CERS1: variants seen among roughly 807,000 people sequenced by gnomAD.
CERS1 encodes the protein ceramide synthase 1.
CERS1 carries 16 observed loss-of-function variants against 35.7 expected under a neutral mutation model. The observed-to-expected ratio is 0.45, with a 90% CI of 0.30 to 0.68. The LOEUF is 0.68. Among genes scored for constraint, CERS1 ranks in the 30% least tolerant of loss-of-function variants. The pLI, the probability that CERS1 is intolerant of heterozygous loss-of-function variation, is 0.08. For missense variants in CERS1, 454 were observed against 453.9 expected, an observed-to-expected ratio of 1.00 and a Z score of 0.00; for synonymous variants, 243 against 201.6, an observed-to-expected ratio of 1.21 and a Z score of -1.74.
At chr19:18,871,925 C>A (rs1052572290) in intron 6 of CERS1, among the ~76,000 whole-genome samples, 1 of 152,194 alleles carries the variant, frequency 6.6e-6, no homozygotes, top group Non-Finnish European at 1.5e-5. Flanking sequence ...TGGGATGACT[C>A]CAGGGATTCC....
chr19:18,879,534 T>G (rs2056143128), intron 4 of CERS1, 146 bp from the exon 5 acceptor site: 1 of 1,000,238 alleles, frequency 1.0e-6, no homozygotes, highest in Admixed American at 2.7e-5. Flanking sequence ...TGCTCTGTCC[T>G]TCCCCTCCCC....
At chr19:18,888,965 C>G (rs955599840) in intron 2 of CERS1, among the ~76,000 whole-genome samples, 5 of 145,816 alleles carry the variant, frequency 3.4e-5, no homozygotes, top group Non-Finnish European at 1.5e-5. Flanking sequence ...GATCTCGACT[C>G]ACTGCAACCT....
rs2055903037 is a variant in CERS1, at chr19:18,868,826, T to C, written c.*1159A>G. 2.7e-6 allele frequency: 4 copies of C among 1,455,526 alleles called. No individual in the cohort carries two copies. The highest frequency in any genetic ancestry group is 3.7e-6 in the Non-Finnish European group (4 of 1,094,428). The allele number at this position is 1,455,526 out of a possible 1,614,324, so 90.2% of individuals were successfully genotyped here. ...CGCGACGGGCAGCGCGCACTGACCC[T>C]GGCAGTAGTTGGCCAGGAAGCCGCG... On this transcript the variant is annotated 3_prime_UTR_variant, in exon 8 of 8. Coordinates refer to ENST00000623882, the MANE Select transcript of CERS1 (RefSeq NM_021267.5).
At chr19:18,896,926 G>GA (rs950031647), upstream of CERS1, among the ~76,000 whole-genome samples, 1 of 141,008 alleles carries the variant, frequency 7.1e-6, no homozygotes, top group Non-Finnish European at 1.6e-5. The surrounding 1 kb of genome is among the most constrained non-coding windows in gnomAD (Gnocchi z 5.9). Flanking sequence ...GGGGAACCCG[G>GA]GGGGGGGGCT....
At chr19:18,896,811 G>A (rs2056632901), upstream of CERS1, 1 of 152,354 alleles carries the variant, frequency 6.6e-6, no homozygotes, top group South Asian at 2.1e-4. The surrounding 1 kb of genome is among the most constrained non-coding windows in gnomAD (Gnocchi z 5.9). Context: ...GCACTTCCCA[G>A]GCATCTTCTT....
chr19:18,887,368 A>G (rs1456724287), intron 2 of CERS1, among the ~76,000 whole-genome samples: 1 of 152,166 alleles, frequency 6.6e-6, no homozygotes, highest in Non-Finnish European at 1.5e-5. Context: ...CTGGTGAGTG[A>G]CTGCTAATGG....
chr19:18,881,105 T>C (rs192408790), intron 3 of CERS1, among the ~76,000 whole-genome samples: 143 of 152,270 alleles, frequency 9.4e-4, no homozygotes, highest in Non-Finnish European at 1.5e-3. Context: ...TCCATGAGCT[T>C]GTCCCTCACT....
chr19:18,892,765 CAGGGGT>C (rs1320326715), intron 2 of CERS1, among the ~76,000 whole-genome samples: 21 of 152,298 alleles, frequency 1.4e-4, no homozygotes, highest in African/African-American at 4.3e-4. Flanking sequence ...TGGACCCACA[CAGGGGT>C]CCTTCCAGGA....
chr19:18,876,149 T>A (rs1301562813), intron 6 of CERS1, among the ~76,000 whole-genome samples: 1 of 151,994 alleles, frequency 6.6e-6, no homozygotes, highest in African/African-American at 2.4e-5. Flanking sequence ...CATGCCTGGA[T>A]AATTTTTCGT....
chr19:18,871,180 C>T (rs1568292544), intron 6 of CERS1, among the ~76,000 whole-genome samples: 1 of 151,874 alleles, frequency 6.6e-6, no homozygotes, highest in Admixed American at 6.6e-5. Context: ...ACCTCAGCCT[C>T]CAGAGTAGCT....
Position 18,869,379 on chromosome 19 carries a change from G to A in CERS1, c.*606C>T, listed in dbSNP as rs1200844541. The A allele has an allele frequency of 3.9e-6, 6 of 1,529,072 alleles. No homozygotes were observed. The East Asian group carries it at 1.2e-4, about 32-fold the overall frequency. The allele number at this position is 1,529,072 out of a possible 1,614,324, so 94.7% of individuals were successfully genotyped here. A position where few individuals can be genotyped will look rare whatever the true frequency, so the allele number is the denominator to read the frequency against. Reference sequence around the variant, plus strand: ...GCGGCCGAGGCAGGCTCCGAGGCCCGGGTGGGCGCACCTGGGGAGGTAGGA... The same window carrying A: ...GCGGCCGAGGCAGGCTCCGAGGCCCAGGTGGGCGCACCTGGGGAGGTAGGA... On this transcript the variant is annotated 3_prime_UTR_variant, in exon 8 of 8. Transcript: ENST00000623882.
chr19:18,888,705 C>G (rs1411162347), intron 2 of CERS1, among the ~76,000 whole-genome samples: 1 of 150,910 alleles, frequency 6.6e-6, no homozygotes, highest in East Asian at 2.0e-4. Flanking sequence ...TAGTACATGC[C>G]TGTGATCCCA....
At position 18,878,918 on chromosome 19, in the gene CERS1, C is replaced by T. The variant is rs763379257; in HGVS notation, c.1010+12G>A. 6.2e-7 allele frequency: 1 copy of T among 1,613,208 alleles called. No individual in the cohort carries two copies. The highest frequency in any genetic ancestry group is 1.1e-5 in the South Asian group (1 of 90,996). On this transcript the variant is annotated intron_variant, in intron 6 of 7. Coordinates refer to ENST00000623882, the MANE Select transcript of CERS1 (RefSeq NM_021267.5). This position sits in a 1 kb window ranked among gnomAD's most constrained non-coding sequence, Gnocchi z 4.6. ...AGGAGGGAACGCGGGGTGCGGGCCC[C>T]TCCACACTCACTCGGCTTTGCTGGG...
intron 3 of CERS1, chr19:18,883,094 G>A (rs1038968061): frequency 3.3e-5 from 5 of 152,144 alleles, no homozygotes; most frequent in African/African-American, 1.2e-4. Context: ...AAGTAGCTGG[G>A]GGACTACAGG....
At chr19:18,888,895 T>TC (rs1479694549) in intron 2 of CERS1, among the ~76,000 whole-genome samples, 1 of 148,074 alleles carries the variant, frequency 6.8e-6, no homozygotes, top group East Asian at 2.0e-4. Context: ...CTTTCTTTTT[T>TC]TTTTTTTTTT....
chr19:18,872,712 T>TC (rs2055996140), intron 6 of CERS1, among the ~76,000 whole-genome samples: 1 of 152,076 alleles, frequency 6.6e-6, no homozygotes, highest in Non-Finnish European at 1.5e-5. Flanking sequence ...GATGCGGTTT[T>TC]ACCATGTTGG....
chr19:18,880,203 G>T lies in CERS1; in HGVS notation c.752+71C>A, dbSNP rs149449210. The T allele has an allele frequency of 6.2e-4, 817 of 1,311,682 alleles. 6 individuals carry two copies. In the African/African-American group the frequency reaches 0.011, roughly 18 times the overall value. 81.3% of individuals were successfully genotyped at this position (1,311,682 alleles called of 1,614,324 possible). A position where few individuals can be genotyped will look rare whatever the true frequency, so the allele number is the denominator to read the frequency against. ...CCCGCCTCCTTCCCTGCCTGGTCCC[G>T]CCCCTTTTCTGGACACACCCACCTC... On this transcript the variant is annotated intron_variant, in intron 4 of 7. Transcript: ENST00000623882.
intron 3 of CERS1, among the ~76,000 whole-genome samples, chr19:18,882,475 A>T (rs1429433765): frequency 6.6e-6 from 1 of 151,474 alleles, no homozygotes; most frequent in Non-Finnish European, 1.5e-5. Context: ...TCTACTAAAA[A>T]TATAATAATT....
At chr19:18,885,482 C>T (rs1038012520) in intron 2 of CERS1, among the ~76,000 whole-genome samples, 1 of 151,110 alleles carries the variant, frequency 6.6e-6, no homozygotes, top group African/African-American at 2.4e-5. Context: ...CAGGGATGAG[C>T]CACCTCACCC....
Sources: allele counts gnomAD v4.1 joint callset (sites outside exome capture counted in the v4.1 genomes callset), GRCh38; gene constraint gnomAD v4.1.1; non-coding constraint Gnocchi (gnomAD v3.1); transcripts MANE v1.5; gene names NCBI Gene and HGNC (gene_info 2026-07-23, HGNC 2026-07-21).